Variants in NRXN3 observed in about 807,000 individuals in gnomAD.
NRXN3 encodes the protein neurexin 3.
A neutral mutation model predicts 137.6 loss-of-function variants in NRXN3; 32 were observed. That is an observed-to-expected ratio of 0.23 (90% confidence interval 0.18 to 0.31). The LOEUF (loss-of-function observed/expected upper bound fraction) is 0.31. Ranked by LOEUF, NRXN3 falls within the 10% of genes least tolerant of loss-of-function variation. The pLI, the probability that NRXN3 is intolerant of heterozygous loss-of-function variation, is 1.00. For synonymous variants in NRXN3, 798 were observed against 784.5 expected (o/e 1.02, Z -0.29); for missense variants, 1,574 against 2,062.5 (o/e 0.76, Z 4.59).
intron 8 of NRXN3, among the ~76,000 whole-genome samples, chr14:78,757,412 A>T (rs2098673786): frequency 6.6e-6 from 1 of 151,590 alleles, no homozygotes; most frequent in Non-Finnish European, 1.5e-5. Flanking sequence ...CATCTCTTAA[A>T]AAAAAAAAAA....
intron 8 of NRXN3, among the ~76,000 whole-genome samples, chr14:78,756,592 T>C (rs1395919904): frequency 5.3e-5 from 8 of 151,892 alleles, no homozygotes; most frequent in Non-Finnish European, 1.2e-4. Context: ...AAAGTTTTGT[T>C]GTACTTGCTT....
chr14:79,103,036 T>C (rs1481425221), intron 15 of NRXN3, among the ~76,000 whole-genome samples: 2 of 152,148 alleles, frequency 1.3e-5, no homozygotes, highest in Non-Finnish European at 2.9e-5. Context: ...CATGAGTAAT[T>C]TGTTCAAGAA....
chr14:79,369,364 G>A (rs991880051), intron 15 of NRXN3, among the ~76,000 whole-genome samples: 1 of 152,144 alleles, frequency 6.6e-6, no homozygotes, highest in Non-Finnish European at 1.5e-5. Context: ...TAGGAAAGGC[G>A]ATTGGTAGTG....
intron 15 of NRXN3, among the ~76,000 whole-genome samples, chr14:79,257,370 G>GTGA (rs2076738374): frequency 3.2e-5 from 3 of 95,086 alleles, no homozygotes; most frequent in Admixed American, 1.1e-4. Flanking sequence ...GGTGGTGGTG[G>GTGA]TGGTGGTGGT....
At chr14:79,708,745 G>A (rs962268032) in intron 19 of NRXN3, among the ~76,000 whole-genome samples, 5 of 152,070 alleles carry the variant, frequency 3.3e-5, no homozygotes, top group Middle Eastern at 3.2e-3. Context: ...AATGCCTTGG[G>A]TTGTCTAGAG....
chr14:78,768,190 T>C (rs891717095), intron 8 of NRXN3, among the ~76,000 whole-genome samples: 17 of 152,140 alleles, frequency 1.1e-4, no homozygotes, highest in Non-Finnish European at 2.2e-4. Context: ...TAAATAAATT[T>C]ATTTCTCTGT....
intron 1 of NRXN3, among the ~76,000 whole-genome samples, chr14:78,237,128 G>C (rs1484391399): frequency 5.3e-5 from 8 of 152,200 alleles, no homozygotes; most frequent in Non-Finnish European, 1.2e-4. Flanking sequence ...AAATGGGTGT[G>C]GAGAGCATTG....
chr14:79,476,295 C>T (rs1006898730), intron 16 of NRXN3, among the ~76,000 whole-genome samples: 4 of 152,056 alleles, frequency 2.6e-5, no homozygotes, highest in East Asian at 1.9e-4. Context: ...CAGGGACAGA[C>T]GTCAGAGGGA....
At chr14:78,821,495 G>A (rs527509374) in intron 10 of NRXN3, among the ~76,000 whole-genome samples, 15 of 152,194 alleles carry the variant, frequency 9.9e-5, no homozygotes, top group African/African-American at 3.6e-4. Context: ...AGGGGTAAGA[G>A]CAACAGAAAC....
chr14:78,856,227 C>T (rs1275409491), intron 10 of NRXN3, among the ~76,000 whole-genome samples: 1 of 152,126 alleles, frequency 6.6e-6, no homozygotes, highest in Non-Finnish European at 1.5e-5. Flanking sequence ...CATTTTGGTT[C>T]AACATGTGTT....
intron 10 of NRXN3, among the ~76,000 whole-genome samples, chr14:78,825,561 A>C (rs1396618): frequency 0.1 from 15,242 of 152,300 alleles, 1,090 homozygotes; most frequent in Admixed American, 0.2. Flanking sequence ...AGGCACCAAA[A>C]ATCATGGATG....
chr14:79,131,208 C>T (rs1048740017), intron 15 of NRXN3, among the ~76,000 whole-genome samples: 2 of 152,174 alleles, frequency 1.3e-5, no homozygotes, highest in African/African-American at 4.8e-5. Flanking sequence ...CAGCTTTGTT[C>T]CATTGCTGGT....
chr14:79,001,758 T>G (rs1245361259), intron 15 of NRXN3, among the ~76,000 whole-genome samples: 2 of 152,230 alleles, frequency 1.3e-5, no homozygotes, highest in Non-Finnish European at 2.9e-5. Flanking sequence ...GTTCAAGTTC[T>G]GGCTTCTTTT....
intron 15 of NRXN3, among the ~76,000 whole-genome samples, chr14:79,418,899 A>G (rs904174759): frequency 2.0e-5 from 3 of 152,164 alleles, no homozygotes; most frequent in African/African-American, 7.2e-5. Context: ...CCTATTTCAC[A>G]CTGCCGTCTG....
chr14:79,838,050 A>G (rs1287936400), intron 20 of NRXN3, among the ~76,000 whole-genome samples: 1 of 152,180 alleles, frequency 6.6e-6, no homozygotes, highest in East Asian at 1.9e-4. Flanking sequence ...TGAGTTGCTT[A>G]CATAAAAGCC....
At chr14:78,250,043 T>G (rs1001698368) in intron 2 of NRXN3, 18 of 509,408 alleles carry the variant, frequency 3.5e-5, no homozygotes, top group African/African-American at 3.1e-4. Flanking sequence ...GCACTAGCTC[T>G]TGAAACCCTC....
At chr14:78,877,004 T>TA (rs2099115515) in intron 10 of NRXN3, among the ~76,000 whole-genome samples, 1 of 152,184 alleles carries the variant, frequency 6.6e-6, no homozygotes, top group Admixed American at 6.5e-5. Flanking sequence ...CAAGATCCTT[T>TA]CCCAAGAGGA....
At chr14:78,360,362 A>G (rs1470350167) in intron 4 of NRXN3, among the ~76,000 whole-genome samples, 2 of 152,190 alleles carry the variant, frequency 1.3e-5, no homozygotes, top group Non-Finnish European at 2.9e-5. Context: ...CCACTGCTTT[A>G]TATATGTTTA....
rs183677586 is a variant in NRXN3 at position 79,232,184 on chromosome 14, A to T, written c.3263-235037A>T. Among the ~76,000 whole-genome samples the T allele has an allele frequency of 5.9e-5, 9 of 152,228 alleles. No individual in the cohort carries two copies. The East Asian group carries it at 1.5e-3, about 26-fold the overall frequency. ...CTTTTGTCTGGCTGTGGCTGTGAAAATTGAGTCCATCAGTTTTCATCCCAT... is the reference window on the plus strand; with the variant it reads ...CTTTTGTCTGGCTGTGGCTGTGAAATTTGAGTCCATCAGTTTTCATCCCAT... On this transcript the variant is annotated intron_variant, in intron 15 of 20. Transcript: ENST00000335750.
Sources: gnomAD v4.1 joint callset for allele counts (sites outside exome capture counted in the v4.1 genomes callset) on GRCh38, gnomAD v4.1.1 for gene constraint, MANE v1.5 for transcripts, NCBI Gene and HGNC (gene_info 2026-07-23, HGNC 2026-07-21) for gene names.